Variants in RBFOX1 observed in about 807,000 individuals in gnomAD.
The protein encoded by RBFOX1 is RNA binding fox-1 homolog 1.
A neutral mutation model predicts 57.7 loss-of-function variants in RBFOX1; 8 were observed. The observed-to-expected ratio is 0.14, with a 90% CI of 0.08 to 0.25. The LOEUF (loss-of-function observed/expected upper bound fraction) is 0.25. Ranked by LOEUF, RBFOX1 falls within the 10% of genes least tolerant of loss-of-function variation. The pLI is 1.00. For missense variants in RBFOX1, 611 were observed against 548.5 expected (o/e 1.11, Z -1.14); for synonymous variants, 326 against 222.4 (o/e 1.47, Z -4.15).
At chr16:7,397,941 G>T (rs8057264) in intron 4 of RBFOX1, among the ~76,000 whole-genome samples, 151 of 151,786 alleles carry the variant, frequency 9.9e-4, no homozygotes, top group African/African-American at 3.3e-3. Context: ...TAAATTTCTC[G>T]GCTCAGTGAA....
intron 4 of RBFOX1, among the ~76,000 whole-genome samples, chr16:7,149,108 A>AT (rs755780875): frequency 1.3e-5 from 2 of 152,052 alleles, no homozygotes; most frequent in Non-Finnish European, 2.9e-5. Flanking sequence ...GTCTTTGAAA[A>AT]CCCAGGTTTC....
intron 1 of RBFOX1, among the ~76,000 whole-genome samples, chr16:6,045,970 G>A (rs368642051): frequency 5.3e-5 from 8 of 152,176 alleles, no homozygotes; most frequent in Non-Finnish European, 1.2e-4. Context: ...TAGCCTTGGT[G>A]TCATGAGTGA....
chr16:7,447,306 A>G (rs2098816504), intron 4 of RBFOX1, among the ~76,000 whole-genome samples: 1 of 151,734 alleles, frequency 6.6e-6, no homozygotes, highest in Admixed American at 6.6e-5. Flanking sequence ...GGTGGCACAC[A>G]CCTGTTATCC....
At chr16:6,275,788 T>C (rs1049436489) in intron 1 of RBFOX1, among the ~76,000 whole-genome samples, 2 of 152,216 alleles carry the variant, frequency 1.3e-5, no homozygotes, top group Middle Eastern at 3.2e-3. Context: ...TTATTTTGTC[T>C]GCCAATTAGT....
intron 3 of RBFOX1, among the ~76,000 whole-genome samples, chr16:7,019,831 C>T (rs181839726): frequency 6.6e-6 from 1 of 152,216 alleles, no homozygotes; most frequent in Non-Finnish European, 1.5e-5. Context: ...ATGATTCTCT[C>T]TAGCTGTTCC....
At chr16:5,701,444 C>T (rs2051044185) in intron 3 of RBFOX1, among the ~76,000 whole-genome samples, 2 of 151,020 alleles carry the variant, frequency 1.3e-5, no homozygotes, top group Admixed American at 1.3e-4. Context: ...GATCACAGAG[C>T]TCCACCTTCC....
At chr16:6,762,720 T>A (rs1248098652) in intron 3 of RBFOX1, among the ~76,000 whole-genome samples, 1 of 152,094 alleles carries the variant, frequency 6.6e-6, no homozygotes, top group Non-Finnish European at 1.5e-5. Flanking sequence ...TAGGTTGAGT[T>A]CTAGAGATAG....
chr16:5,405,852 TGTAGTTGTGTGTGGAA>T (rs1316083265), intron 1 of RBFOX1, among the ~76,000 whole-genome samples: 2 of 152,020 alleles, frequency 1.3e-5, no homozygotes, highest in African/African-American at 2.4e-5. Flanking sequence ...TATTTTTGAG[TGTAGTTGTGTGTGGAA>T]GTGAGGGCAG....
intron 3 of RBFOX1, among the ~76,000 whole-genome samples, chr16:5,747,690 A>G (rs1400093467): frequency 1.3e-5 from 2 of 151,872 alleles, no homozygotes; most frequent in African/African-American, 4.8e-5. Context: ...CTATTCTTTG[A>G]TGGTAGTATT....
intron 3 of RBFOX1, among the ~76,000 whole-genome samples, chr16:5,671,046 A>T (rs1371202737): frequency 6.6e-6 from 1 of 152,252 alleles, no homozygotes; most frequent in Non-Finnish European, 1.5e-5. Flanking sequence ...GTAAATGAGG[A>T]CATCAGCAAA....
intron 4 of RBFOX1, among the ~76,000 whole-genome samples, chr16:5,909,089 C>CTTTTTTTTTTTTT (rs1168067500): frequency 2.5e-5 from 2 of 79,406 alleles, no homozygotes; most frequent in African/African-American, 3.6e-5. Flanking sequence ...ACTAAGCCCC[C>CTTTTTTTTTTTTT]CTTTTTTTTT....
At chr16:6,959,616 A>G (rs1457097623) in intron 3 of RBFOX1, among the ~76,000 whole-genome samples, 5 of 152,140 alleles carry the variant, frequency 3.3e-5, no homozygotes, top group Non-Finnish European at 5.9e-5. Flanking sequence ...CAACTGTTCC[A>G]GCACTGACTG....
chr16:7,588,683 G>A (rs1432097948), intron 7 of RBFOX1, among the ~76,000 whole-genome samples: 4 of 152,228 alleles, frequency 2.6e-5, no homozygotes, highest in African/African-American at 9.6e-5. Context: ...GTCAGTAAGC[G>A]GTGCTGGTTT....
intron 4 of RBFOX1, among the ~76,000 whole-genome samples, chr16:7,439,784 A>C (rs1159450795): frequency 1.3e-5 from 2 of 152,008 alleles, no homozygotes; most frequent in Non-Finnish European, 2.9e-5. Context: ...AAATTTACAG[A>C]TTGCTTGCTT....
intron 2 of RBFOX1, among the ~76,000 whole-genome samples, chr16:5,496,404 A>T (rs1567162480): frequency 6.6e-6 from 1 of 151,692 alleles, no homozygotes; most frequent in Non-Finnish European, 1.5e-5. Flanking sequence ...CCATTTTTAC[A>T]TGCCCAGCTC....
At position 5,598,760 on chromosome 16, in the gene RBFOX1, G is replaced by T. The variant is rs1314370655; in HGVS notation, c.259-142G>T. The stretch of plus-strand genomic sequence containing the variant: ...AATGCAGGTCTTGACCCCTGCAGGG[G>T]ATGGGTGGAGAGACAGAGGGTACTG... On this transcript the variant is annotated intron_variant, in intron 2 of 2. Transcript: ENST00000585867. 5 of 653,892 alleles carry T rather than the reference G, an allele frequency of 7.6e-6. No homozygotes were observed. In the South Asian group the frequency reaches 8.0e-5, roughly 10 times the overall value. 40.5% of individuals were successfully genotyped at this position (653,892 alleles called of 1,614,324 possible).
At chr16:6,330,972 A>G (rs1045455291) in intron 2 of RBFOX1, among the ~76,000 whole-genome samples, 1 of 152,204 alleles carries the variant, frequency 6.6e-6, no homozygotes, top group Non-Finnish European at 1.5e-5. Context: ...GAAAGAGCAG[A>G]TATGAGAGAG....
chr16:6,608,110 C>T (rs575729843), intron 2 of RBFOX1, among the ~76,000 whole-genome samples: 44 of 152,278 alleles, frequency 2.9e-4, no homozygotes, highest in South Asian at 6.2e-4. Flanking sequence ...CCTGAAACAA[C>T]GGGTTCTCAA....
Position 6,348,022 on chromosome 16 carries a change from C to T in RBFOX1, c.-64+30965C>T, listed in dbSNP as rs78798219. Among the ~76,000 whole-genome samples the T allele has an allele frequency of 7.1e-3, 1,083 of 152,262 alleles. 17 individuals are homozygous for T. Among genetic ancestry groups the T allele is most frequent in the African/African-American group, 0.025 (1,039 of 41,554 alleles). ...TGAAAGTGGGTGGTGGAAACCCAGCCCGTTCATACCTCTTGGTCAAGTTTA... is the reference window on the plus strand; with the variant it reads ...TGAAAGTGGGTGGTGGAAACCCAGCTCGTTCATACCTCTTGGTCAAGTTTA... On this transcript the variant is annotated intron_variant, in intron 2 of 15. Coordinates refer to ENST00000550418, the MANE Select transcript of RBFOX1 (RefSeq NM_018723.4).
Sources: allele counts gnomAD v4.1 joint callset (sites outside exome capture counted in the v4.1 genomes callset), GRCh38; gene constraint gnomAD v4.1.1; transcripts MANE v1.5; gene names NCBI Gene and HGNC (gene_info 2026-07-23, HGNC 2026-07-21).